The following FAM193B variants were observed in gnomAD, a reference collection of about 807,000 sequenced individuals.
FAM193B encodes family with sequence similarity 193 member B.
A neutral mutation model predicts 70.7 loss-of-function variants in FAM193B; 27 were observed. The observed-to-expected ratio is 0.38, with a 90% confidence interval of 0.28 to 0.53. The LOEUF is 0.53. Ranked by LOEUF, FAM193B falls within the 20% of genes least tolerant of loss-of-function variation. The probability of loss-of-function intolerance (pLI) is 0.81; values close to 1 mark genes in which losing one functional copy is unlikely to be tolerated. For missense variants in FAM193B, 1,022 were observed against 1,072.5 expected (o/e 0.95, Z 0.66); for synonymous variants, 448 against 436.0 (o/e 1.03, Z -0.34).
rs1764551311 is a variant in FAM193B, at chr5:177,539,161, A to G, written c.211-14T>C. The G allele has an allele frequency of 6.5e-7, 1 of 1,538,710 alleles. No homozygotes were observed. The highest frequency in any genetic ancestry group is 2.0e-5 in the Admixed American group (1 of 50,724). ...GGCGGGGGGGACCTGTCCAACAGAC[A>G]GAAACAGGGTTTCCCAGGAGGGGAA... On this transcript the variant is annotated splice_polypyrimidine_tract_variant and intron_variant, in intron 1 of 8. Coordinates refer to ENST00000514747, the MANE Select transcript of FAM193B (RefSeq NM_001190946.3).
At chr5:177,552,299 C>T (rs1427772411) in intron 1 of FAM193B, among the ~76,000 whole-genome samples, 3 of 152,146 alleles carry the variant, frequency 2.0e-5, no homozygotes, top group Admixed American at 6.5e-5. Flanking sequence ...TTGTGCTAAA[C>T]GCTGCGGAGA....
chr5:177,547,201 T>C (rs1166578268), intron 1 of FAM193B: 2 of 152,056 alleles, frequency 1.3e-5, no homozygotes, highest in Non-Finnish European at 2.9e-5. Flanking sequence ...AGGTGCTCAA[T>C]ACCCGTTAGT....
intron 1 of FAM193B, chr5:177,553,908 C>A: frequency 8.2e-7 from 1 of 1,216,226 alleles, no homozygotes; most frequent in Admixed American, 3.3e-5. Flanking sequence ...CAGGTGGGCC[C>A]GGGGGAGGTG....
intron 5 of FAM193B, among the ~76,000 whole-genome samples, chr5:177,525,645 ATGTGCC>A (rs1762481210): frequency 6.6e-6 from 1 of 152,284 alleles, no homozygotes. Context: ...TTGGGAGGGC[ATGTGCC>A]TTCCTGATGC....
intron 5 of FAM193B, among the ~76,000 whole-genome samples, chr5:177,530,530 C>T (rs1763290850): frequency 6.6e-6 from 1 of 152,228 alleles, no homozygotes. Context: ...TCTCCCTTGG[C>T]CTGCGTTTCC....
chr5:177,541,852 T>C lies in FAM193B; in HGVS notation c.211-2705A>G, dbSNP rs555261463. Among the ~76,000 whole-genome samples the C allele has an allele frequency of 2.6e-5, 4 of 152,340 alleles. No individual in the cohort carries two copies. In the South Asian group the frequency reaches 8.3e-4, roughly 32 times the overall value. ...ATCTCTGATATAAAATGGTGTCATA[T>C]TTGTATATAACCAATGCACACCCTC... is the stretch of plus-strand genomic sequence containing the variant. On this transcript the variant is annotated intron_variant, in intron 1 of 8. Coordinates refer to ENST00000514747, the MANE Select transcript of FAM193B (RefSeq NM_001190946.3).
chr5:177,524,625 C>CTTCCTT lies in FAM193B; in HGVS notation c.1855_1856insAAGGAA (p.Pro618_Ser619insLysGly). 1 of 1,612,640 alleles carries CTTCCTT rather than the reference C, an allele frequency of 6.2e-7. No individual in the cohort carries two copies. The highest frequency in any genetic ancestry group is 1.3e-5 in the African/African-American group (1 of 74,918). On this transcript the variant is annotated inframe_insertion, in exon 6 of 9. Coordinates refer to ENST00000514747, the MANE Select transcript of FAM193B (RefSeq NM_001190946.3). ...AGGCTCAGGCAGCTCCTGCTTGCAACTGGGAACTTCCTTTGAGCTTGGCTC... is the reference window on the plus strand; with the variant it reads ...AGGCTCAGGCAGCTCCTGCTTGCAACTTCCTTTGGGAACTTCCTTTGAGCTTGGCTC...
Position 177,536,538 on chromosome 5 carries a change from G to C in FAM193B, c.896C>G (p.Thr299Ser). The stretch of plus-strand genomic sequence containing the variant: ...ACATGGCCCTGGAGTGTGGGGGGCA[G>C]TGGCAGCAGCAACAGGGCACTCTGA... ...QASECPVAAA[T>S]APHTPGPCQS... is the part of the protein sequence containing the mutation. Residue 299 changes from threonine to serine, a missense_variant, in exon 4 of 9, where the codon ACT (threonine) becomes AGT (serine). Thr to Ser is a moderately conservative substitution (Grantham distance 58). Coordinates refer to ENST00000514747, the MANE Select transcript of FAM193B (RefSeq NM_001190946.3). 1 of 1,538,846 alleles carries C rather than the reference G, an allele frequency of 6.5e-7. No homozygotes were observed. Among genetic ancestry groups the C allele is most frequent in the Non-Finnish European group, 8.7e-7 (1 of 1,149,192 alleles).
intron 5 of FAM193B, among the ~76,000 whole-genome samples, chr5:177,529,438 G>A (rs1022425111): frequency 1.1e-4 from 17 of 152,074 alleles, no homozygotes; most frequent in Non-Finnish European, 2.4e-4. Context: ...ATCACTTGAT[G>A]CATCACGCTG....
At position 177,551,317 on chromosome 5, in the gene FAM193B, T is replaced by C. The variant is rs750439544; in HGVS notation, c.210+2932A>G. Among the ~76,000 whole-genome samples the C allele has an allele frequency of 4.6e-5, 7 of 152,230 alleles. No homozygotes were observed. The South Asian group carries it at 1.4e-3, about 32-fold the overall frequency. The stretch of plus-strand genomic sequence containing the variant: ...TTTCCTTTGCTAATAAGGTAGTAAC[T>C]GTTTCAGCCTTCTTGTGCTATAAAC... On this transcript the variant is annotated intron_variant, in intron 1 of 8. Transcript: ENST00000514747.
At chr5:177,551,649 G>A (rs1766261384) in intron 1 of FAM193B, among the ~76,000 whole-genome samples, 1 of 152,198 alleles carries the variant, frequency 6.6e-6, no homozygotes, top group African/African-American at 2.4e-5. Context: ...TTAAAATATT[G>A]GCTCAAATGA....
chr5:177,524,383 G>A lies in FAM193B; in HGVS notation c.2098C>T (p.Pro700Ser), dbSNP rs1249466490. ...GTTTTGGGACTGCCAGCCCAACCTG[G>A]TCCTGGCCGGCTCCCCCGGCTCCCC... ...GEGSRGSRPG[P>S]GWAGSPKTEK... is the part of the protein sequence containing the mutation. Residue 700 changes from proline (P) to serine (S), a missense_variant, in exon 6 of 9, where the codon CCA becomes TCA. Coordinates refer to ENST00000514747, the MANE Select transcript of FAM193B (RefSeq NM_001190946.3). 4 of 1,573,258 alleles carry A rather than the reference G, an allele frequency of 2.5e-6. No individual in the cohort carries two copies. The highest frequency in any genetic ancestry group is 3.4e-6 in the Non-Finnish European group (4 of 1,160,162).
chr5:177,554,109 A>C (rs1766712094), intron 1 of FAM193B, 140 bp downstream of exon 1: 1 of 1,395,576 alleles, frequency 7.2e-7, no homozygotes, highest in South Asian at 1.4e-5. Flanking sequence ...CCGGGGGAGA[A>C]AGCTTCGGCG....
intron 1 of FAM193B, among the ~76,000 whole-genome samples, chr5:177,552,632 G>A (rs1037230161): frequency 1.3e-5 from 2 of 152,184 alleles, no homozygotes; most frequent in African/African-American, 4.8e-5. Context: ...GCACTCCCAC[G>A]GGGGTCCCAG....
chr5:177,539,898 A>AC (rs1165609765), intron 1 of FAM193B, among the ~76,000 whole-genome samples: 1 of 152,206 alleles, frequency 6.6e-6, no homozygotes, highest in Admixed American at 6.5e-5. Context: ...GAGTTGTTGT[A>AC]AGGATCATCA....
At chr5:177,535,409 A>C (rs1379905450) in intron 4 of FAM193B, among the ~76,000 whole-genome samples, 2 of 152,278 alleles carry the variant, frequency 1.3e-5, no homozygotes, top group Admixed American at 6.5e-5. Context: ...AATGCATGAT[A>C]AACACAGATC....
At chr5:177,535,385 A>G (rs143501107) in intron 4 of FAM193B, among the ~76,000 whole-genome samples, 40 of 152,388 alleles carry the variant, frequency 2.6e-4, no homozygotes, top group African/African-American at 9.1e-4. Context: ...GAGACTTTCC[A>G]ATAGGAAGAT....
Position 177,534,463 on chromosome 5 carries a change from A to ATT in FAM193B, c.1077-1824_1077-1823dup, listed in dbSNP as rs961185759. 5.5e-5 allele frequency among the ~76,000 whole-genome samples: 8 copies of ATT among 144,602 alleles called. No individual in the cohort carries two copies. The South Asian group carries it at 1.8e-3, about 32-fold the overall frequency. 94.9% of individuals were successfully genotyped at this position (144,602 alleles called of 152,430 possible). On this transcript the variant is annotated intron_variant, in intron 4 of 8. Coordinates refer to ENST00000514747, the MANE Select transcript of FAM193B (RefSeq NM_001190946.3). ...AGACACACGCCACCATGCCCAGCTA[A>ATT]TTTTTTTTTTTTGTATTTTTAATAG...
At chr5:177,521,745 G>A (rs1382522324) in intron 8 of FAM193B, among the ~76,000 whole-genome samples, 1 of 152,130 alleles carries the variant, frequency 6.6e-6, no homozygotes, top group African/African-American at 2.4e-5. Flanking sequence ...GGCCCAGGGA[G>A]GAGTAATAGA....
Sources: gnomAD v4.1 joint callset for allele counts (sites outside exome capture counted in the v4.1 genomes callset) on GRCh38, gnomAD v4.1.1 for gene constraint, MANE v1.5 for transcripts, NCBI Gene and HGNC (gene_info 2026-07-23, HGNC 2026-07-21) for gene names.